Variants in SPACA6 observed in about 807,000 individuals in gnomAD.
SPACA6 encodes the protein sperm acrosome associated 6.
For synonymous variants in SPACA6, 6 were observed against 1.5 expected, an observed-to-expected ratio of 4.05 and a Z score of -2.21; for missense variants, 8 against 2.8, an observed-to-expected ratio of 2.88 and a Z score of -1.34.
chr19:51,709,511 G>A (rs1257412159), downstream of SPACA6, among the ~76,000 whole-genome samples: 1 of 107,898 alleles, frequency 9.3e-6, no homozygotes, highest in Non-Finnish European at 1.7e-5. Context: ...GAGCGAAACT[G>A]CATCTCAGGA....
chr19:51,698,848 G>A (rs934602628), intron 2 of SPACA6, among the ~76,000 whole-genome samples: 3 of 152,146 alleles, frequency 2.0e-5, no homozygotes, highest in Admixed American at 6.5e-5. Flanking sequence ...GGCTAATATG[G>A]CACCTCCATT....
At chr19:51,696,365 G>A (rs377294403) in intron 2 of SPACA6, among the ~76,000 whole-genome samples, 3 of 152,114 alleles carry the variant, frequency 2.0e-5, no homozygotes, top group Admixed American at 1.3e-4. Flanking sequence ...AAACATAATC[G>A]ATAAAATATC....
chr19:51,690,716 C>G (rs2083362740), upstream of SPACA6, among the ~76,000 whole-genome samples: 1 of 152,188 alleles, frequency 6.6e-6, no homozygotes, highest in Non-Finnish European at 1.5e-5. Flanking sequence ...TGACCTTGAA[C>G]AAGTCCTGAC....
chr19:51,703,471 G>T lies in SPACA6; in HGVS notation c.573+134G>T. ...CACAAGCATCAGCAAGAGGAGGGTC[G>T]CGGGATTTAGGGGAGAGCTCGAAGA... is the stretch of plus-strand genomic sequence containing the variant. On this transcript the variant is annotated intron_variant, in intron 6 of 8. Transcript: ENST00000637797. The surrounding 1 kb of genome is among the most constrained non-coding windows in gnomAD (Gnocchi z 4.2). 1 of 396,768 alleles carries T rather than the reference G, an allele frequency of 2.5e-6. No individual in the cohort carries two copies. The allele number at this position is 396,768 out of a possible 1,614,324, so 24.6% of individuals were successfully genotyped here.
downstream of SPACA6, among the ~76,000 whole-genome samples, chr19:51,709,219 GAAA>G (rs35079110): frequency 5.5e-5 from 7 of 127,000 alleles, no homozygotes; most frequent in South Asian, 2.5e-4. Flanking sequence ...ACCTGAATCA[GAAA>G]AAAAAAAAAA....
chr19:51,692,932 G>A (rs1409562862), upstream of SPACA6: 2 of 511,124 alleles, frequency 3.9e-6, no homozygotes, highest in African/African-American at 2.0e-5. The surrounding 1 kb of genome is among the most constrained non-coding windows in gnomAD (Gnocchi z 5.6). Context: ...TAGCCCCACT[G>A]GGCTGCCCCA....
At chr19:51,691,808 T>G (rs35627212), upstream of SPACA6, among the ~76,000 whole-genome samples, 23,803 of 80,262 alleles carry the variant, frequency 0.3, 1,932 homozygotes, top group African/African-American at 0.34. Flanking sequence ...AGCCCAGGGG[T>G]GGGGAGGGTG....
At chr19:51,687,518 A>C (rs889696213), upstream of SPACA6, 2 of 151,092 alleles carry the variant, frequency 1.3e-5, no homozygotes, top group African/African-American at 4.9e-5. Context: ...AAGGTGCAGA[A>C]TAATGTGATC....
At chr19:51,693,068 C>T (rs2083389548), upstream of SPACA6, 4 of 362,236 alleles carry the variant, frequency 1.1e-5, no homozygotes, top group Non-Finnish European at 2.2e-5. Flanking sequence ...TTCTGTGTCT[C>T]TTTCACAGTG....
intron 3 of SPACA6, among the ~76,000 whole-genome samples, chr19:51,702,186 G>A (rs2083473697): frequency 6.6e-6 from 1 of 151,960 alleles, no homozygotes; most frequent in Non-Finnish European, 1.5e-5. Flanking sequence ...ATCTGGCCCC[G>A]CCCCTTCGAT....
chr19:51,697,750 C>A (rs8106727), intron 2 of SPACA6, among the ~76,000 whole-genome samples: 30,346 of 152,016 alleles, frequency 0.2, 3,062 homozygotes, highest in South Asian at 0.28. Context: ...TATATATAAA[C>A]CATGGAGTAG....
chr19:51,693,628 C>T lies in SPACA6; in HGVS notation c.102C>T (p.Tyr34=). 2.4e-6 allele frequency: 1 copy of T among 419,852 alleles called. No homozygotes were observed. The highest frequency in any genetic ancestry group is 4.2e-6 in the Non-Finnish European group (1 of 235,448). 26.0% of individuals were successfully genotyped at this position (419,852 alleles called of 1,614,324 possible). A position where few individuals can be genotyped will look rare whatever the true frequency, so the allele number is the denominator to read the frequency against. The change falls in exon 1 of 9, where the codon TAC becomes TAT. Residue 34 remains tyrosine (Y), a synonymous_variant. Coordinates refer to ENST00000637797, the MANE Select transcript of SPACA6 (RefSeq NM_001316972.2). ...AWACLLCFTT[Y]SERLRICQMF... is the part of the protein sequence containing the mutation. The stretch of plus-strand genomic sequence containing the variant: ...CCTGTCTCCTCTGCTTCACAACCTA[C>T]TCTGAGCGCCTCCGCATCTGCCAGA...
At chr19:51,683,675 C>T in the SPACA6 span, among the ~76,000 whole-genome samples, 1 of 152,198 alleles carries the variant, frequency 6.6e-6, no homozygotes, top group Non-Finnish European at 1.5e-5. Context: ...GTAGGCATAA[C>T]ATTCGATAAT....
At chr19:51,702,477 C>G (rs2083476559) in intron 3 of SPACA6, 152 bp from the exon 4 acceptor site, 1 of 393,840 alleles carries the variant, frequency 2.5e-6, no homozygotes, top group South Asian at 1.4e-4. Flanking sequence ...AGGTGGAACC[C>G]AGCCGGCTTG....
chr19:51,693,331 C>T lies in SPACA6; in HGVS notation c.-196C>T, dbSNP rs749424841. ...ACAGGTGAGGTTCTTGGGAGCCTGG[C>T]GTCTGGCCCAACCACACACCTGGGG... is the stretch of plus-strand genomic sequence containing the variant. On this transcript the variant is annotated 5_prime_UTR_variant, in exon 1 of 9. Transcript: ENST00000637797. 7 of 749,080 alleles carry T rather than the reference C, an allele frequency of 9.3e-6. No individual in the cohort carries two copies. Among genetic ancestry groups the T allele is most frequent in the Middle Eastern group, 2.3e-4 (1 of 4,382 alleles). 46.4% of individuals were successfully genotyped at this position (749,080 alleles called of 1,614,324 possible). A position where few individuals can be genotyped will look rare whatever the true frequency, so the allele number is the denominator to read the frequency against.
chr19:51,711,036 C>T (rs1301219185), intron 2 of SPACA6, among the ~76,000 whole-genome samples: 1 of 152,118 alleles, frequency 6.6e-6, no homozygotes, highest in Non-Finnish European at 1.5e-5. Flanking sequence ...GCTGAGTTCA[C>T]ACCACTGAAC....
At chr19:51,698,040 G>A (rs182087167) in intron 2 of SPACA6, among the ~76,000 whole-genome samples, 6 of 152,228 alleles carry the variant, frequency 3.9e-5, no homozygotes, top group Admixed American at 2.0e-4. Flanking sequence ...GGAAGAGTGG[G>A]GATGAGGATG....
chr19:51,709,628 A>G (rs565514428), downstream of SPACA6, among the ~76,000 whole-genome samples: 271 of 151,202 alleles, frequency 1.8e-3, 4 homozygotes, highest in Non-Finnish European at 3.4e-4. Flanking sequence ...AAAAAAAAAA[A>G]AAAGAAAAGA....
chr19:51,688,444 C>T (rs954660345), upstream of SPACA6: 5 of 152,362 alleles, frequency 3.3e-5, no homozygotes, highest in African/African-American at 9.7e-5. Flanking sequence ...CCCAGATCAC[C>T]CGGGATTGGG....
Sources: allele counts gnomAD v4.1 joint callset (sites outside exome capture counted in the v4.1 genomes callset), GRCh38; gene constraint gnomAD v4.1.1; non-coding constraint Gnocchi (gnomAD v3.1); transcripts MANE v1.5; gene names NCBI Gene and HGNC (gene_info 2026-07-23, HGNC 2026-07-21).